The following PRELID2 variants were observed in gnomAD, a reference collection of about 807,000 sequenced individuals.
PRELID2 encodes PRELI domain containing 2, also known as PRELI domain-containing protein 2.
Under a neutral mutation model 28.4 loss-of-function variants are expected in PRELID2, and 25 were observed. The observed-to-expected ratio is 0.88, with a 90% CI of 0.64 to 1.23. The LOEUF (loss-of-function observed/expected upper bound fraction) is 1.23, where lower values mean the gene tolerates loss of function less well. PRELID2 is among the 50% of genes most tolerant of loss of function. PRELID2 has a pLI of 0.00. For missense variants in PRELID2, 201 were observed against 214.4 expected (o/e 0.94, Z 0.39); for synonymous variants, 76 against 71.6 (o/e 1.06, Z -0.31).
the PRELID2 span, among the ~76,000 whole-genome samples, chr5:145,396,218 A>T: frequency 6.6e-6 from 1 of 152,148 alleles, no homozygotes; most frequent in South Asian, 2.1e-4. Context: ...ATAACAACCA[A>T]CATCCTCTAA....
At chr5:145,794,596 G>A (rs912852111) in intron 5 of PRELID2, among the ~76,000 whole-genome samples, 5 of 152,140 alleles carry the variant, frequency 3.3e-5, no homozygotes, top group African/African-American at 1.2e-4. Flanking sequence ...ACAGTGCCTA[G>A]TGCAAAGCAG....
chr5:145,476,994 G>T (rs1752108233), intron 1 of PRELID2, among the ~76,000 whole-genome samples: 1 of 152,178 alleles, frequency 6.6e-6, no homozygotes, highest in Non-Finnish European at 1.5e-5. Flanking sequence ...TCAGGCATTA[G>T]AATTTGTATT....
At chr5:145,790,721 G>GTGTGTGTGTGTGTGTGTGTGTGTATA (rs772901344) in intron 5 of PRELID2, among the ~76,000 whole-genome samples, 1 of 110,912 alleles carries the variant, frequency 9.0e-6, no homozygotes, top group Non-Finnish European at 1.9e-5. Flanking sequence ...GTGTGTGTGT[G>GTGTGTGTGTGTGTGTGTGTGTGTATA]TATATATATA....
chr5:145,547,823 GC>G (rs1057427627), intron 1 of PRELID2, among the ~76,000 whole-genome samples: 60 of 152,284 alleles, frequency 3.9e-4, no homozygotes, highest in African/African-American at 1.4e-3. Context: ...GAACCAGCCA[GC>G]TTTTTCATCA....
chr5:145,774,898 G>T (rs914643147), intron 5 of PRELID2, among the ~76,000 whole-genome samples: 5 of 152,124 alleles, frequency 3.3e-5, no homozygotes, highest in African/African-American at 1.2e-4. Flanking sequence ...TAAGAAAAAT[G>T]AAGTTCAGCT....
At chr5:145,552,147 T>C (rs1752841268) in intron 1 of PRELID2, among the ~76,000 whole-genome samples, 1 of 152,174 alleles carries the variant, frequency 6.6e-6, no homozygotes, top group African/African-American at 2.4e-5. Context: ...GACCAGGTTG[T>C]CTTTCTTGGG....
chr5:145,746,483 G>T (rs1271496604), intron 1 of PRELID2, among the ~76,000 whole-genome samples: 1 of 152,030 alleles, frequency 6.6e-6, no homozygotes, highest in East Asian at 1.9e-4. Context: ...AGAGCTAACT[G>T]TTCTAAATAT....
At chr5:145,832,156 A>C (rs9716435) in intron 1 of PRELID2, among the ~76,000 whole-genome samples, 108,035 of 151,922 alleles carry the variant, frequency 0.71, 39,660 homozygotes, top group Non-Finnish European at 0.82. Flanking sequence ...AAGAAAACAC[A>C]TTGAGCACAG....
At chr5:145,481,638 A>G (rs1580953190) in intron 1 of PRELID2, among the ~76,000 whole-genome samples, 2 of 146,244 alleles carry the variant, frequency 1.4e-5, no homozygotes, top group Non-Finnish European at 3.0e-5. Context: ...AAAAAAAAAA[A>G]AAAAAAAAAA....
the PRELID2 span, among the ~76,000 whole-genome samples, chr5:145,284,501 A>T: frequency 6.6e-6 from 1 of 151,984 alleles, no homozygotes; most frequent in Non-Finnish European, 1.5e-5. Flanking sequence ...CAAACTCAAG[A>T]CTTTTTTTTT....
At chr5:145,356,837 T>C in the PRELID2 span, among the ~76,000 whole-genome samples, 2 of 152,150 alleles carry the variant, frequency 1.3e-5, no homozygotes, top group Admixed American at 1.3e-4. Context: ...TATGTGGTTG[T>C]TTTAGAGTGT....
chr5:145,506,129 A>G (rs2126637385), intron 1 of PRELID2, among the ~76,000 whole-genome samples: 2 of 152,288 alleles, frequency 1.3e-5, no homozygotes, highest in South Asian at 4.1e-4. Context: ...TACAATTAGA[A>G]AAATTAAATT....
At chr5:145,473,346 T>C (rs970327610) in intron 1 of PRELID2, 3 of 152,178 alleles carry the variant, frequency 2.0e-5, no homozygotes, top group Non-Finnish European at 4.4e-5. Flanking sequence ...TTTACAACAT[T>C]ATTGCAAGGC....
chr5:145,634,987 G>A (rs1386403224), intron 1 of PRELID2, among the ~76,000 whole-genome samples: 1 of 152,094 alleles, frequency 6.6e-6, no homozygotes, highest in Non-Finnish European at 1.5e-5. Context: ...TCCAACCCAT[G>A]CTCCACACAG....
At chr5:145,424,715 A>G in the PRELID2 span, among the ~76,000 whole-genome samples, 3 of 152,122 alleles carry the variant, frequency 2.0e-5, no homozygotes, top group Non-Finnish European at 4.4e-5. Flanking sequence ...TGTAGACCGG[A>G]GCTGTTCCTA....
chr5:145,380,463 T>G, the PRELID2 span, among the ~76,000 whole-genome samples: 1 of 152,186 alleles, frequency 6.6e-6, no homozygotes, highest in Non-Finnish European at 1.5e-5. Context: ...AAAAGTTATT[T>G]TCTAAATGCC....
intron 1 of PRELID2, among the ~76,000 whole-genome samples, chr5:145,649,226 C>T (rs187118195): frequency 3.7e-3 from 559 of 152,256 alleles, no homozygotes; most frequent in Non-Finnish European, 6.3e-3. Context: ...GTAGGTTATA[C>T]GCAAATACTA....
the PRELID2 span, among the ~76,000 whole-genome samples, chr5:145,246,099 A>C: frequency 6.6e-6 from 1 of 152,042 alleles, no homozygotes; most frequent in Admixed American, 6.6e-5. Context: ...ATCGAAGTGA[A>C]GAAATTCGAT....
At chr5:145,258,565 T>C in the PRELID2 span, among the ~76,000 whole-genome samples, 4 of 152,206 alleles carry the variant, frequency 2.6e-5, no homozygotes, top group African/African-American at 4.8e-5. Context: ...TCAAGAGTCA[T>C]AATTTAGGGT....
Sources: gnomAD v4.1 joint callset for allele counts (sites outside exome capture counted in the v4.1 genomes callset) on GRCh38, gnomAD v4.1.1 for gene constraint, MANE v1.5 for transcripts, NCBI Gene and HGNC (gene_info 2026-07-23, HGNC 2026-07-21) for gene names.